The following OXR1 variants were observed in gnomAD, a reference collection of about 807,000 sequenced individuals.
OXR1 encodes the protein oxidation resistance protein 1.
A neutral mutation model predicts 104.6 loss-of-function variants in OXR1; 41 were observed. The ratio of observed to expected loss-of-function variants is 0.39; its 90% confidence interval spans 0.31 to 0.51. The LOEUF (loss-of-function observed/expected upper bound fraction) is 0.51. Ranked by LOEUF, OXR1 falls within the 20% of genes least tolerant of loss-of-function variation. OXR1 has a pLI of 0.77. For missense variants in OXR1, 955 were observed against 1,031.9 expected (o/e 0.93, Z 1.02); for synonymous variants, 348 against 348.4 (o/e 1.00, Z 0.01).
chr8:106,402,225 T>C (rs1818030645), intron 2 of OXR1, among the ~76,000 whole-genome samples: 5 of 152,196 alleles, frequency 3.3e-5, no homozygotes, highest in Admixed American at 3.3e-4. Flanking sequence ...ATGAATTGAA[T>C]AGTAATATGA....
In OXR1 at chr8:106,710,043, C is replaced by T. The variant is rs1831538913; in HGVS notation, c.1625-579C>T. Among the ~76,000 whole-genome samples, 2 of 152,202 alleles carry T rather than the reference C, an allele frequency of 1.3e-5. 1 individual carries two copies. The highest frequency in any genetic ancestry group is 4.8e-5 in the African/African-American group (2 of 41,558). On this transcript the variant is annotated intron_variant, in intron 9 of 16. Coordinates refer to ENST00000517566, the MANE Select transcript of OXR1 (RefSeq NM_001198533.2). ...CTAAATTCACCTATATATTCAGACC[C>T]TCAGTATACTCTATCAGCACCTCTG...
At chr8:106,740,179 AAT>A in intron 13 of OXR1, 162 bp from the exon 14 acceptor site, 1 of 530,908 alleles carries the variant, frequency 1.9e-6, no homozygotes, top group South Asian at 3.0e-5. Flanking sequence ...AGAAATGTGT[AAT>A]ACTTTTCAAT....
At chr8:106,491,966 T>C (rs1449078772) in intron 2 of OXR1, among the ~76,000 whole-genome samples, 1 of 152,222 alleles carries the variant, frequency 6.6e-6, no homozygotes, top group African/African-American at 2.4e-5. Context: ...TATATTTTAT[T>C]GGACACACCA....
intron 1 of OXR1, among the ~76,000 whole-genome samples, chr8:106,355,495 C>T (rs1051524824): frequency 2.6e-5 from 4 of 151,792 alleles, no homozygotes; most frequent in Non-Finnish European, 5.9e-5. Flanking sequence ...TAATTTTTTT[C>T]AACTCAGTAA....
intron 3 of OXR1, among the ~76,000 whole-genome samples, chr8:106,529,473 T>C (rs991145074): frequency 6.6e-6 from 1 of 152,204 alleles, no homozygotes; most frequent in Non-Finnish European, 1.5e-5. Flanking sequence ...TAATTTTAAC[T>C]AAAATTTACC....
chr8:106,416,085 G>A (rs1818666486), intron 2 of OXR1, among the ~76,000 whole-genome samples: 1 of 152,116 alleles, frequency 6.6e-6, no homozygotes, highest in Non-Finnish European at 1.5e-5. Flanking sequence ...TGTTATTGGT[G>A]TAGGTAAACT....
Position 106,585,618 on chromosome 8 carries a change from T to C in OXR1, c.220+66479T>C, listed in dbSNP as rs183109477. Among the ~76,000 whole-genome samples the C allele has an allele frequency of 7.2e-5, 11 of 152,176 alleles. No homozygotes were observed. In the East Asian group the frequency reaches 1.5e-3, roughly 21 times the overall value. ...ACATGAATGTAGGGCATGAGTAAAT[T>C]GTAGAGTAAGTTAGGTAACAGATGC... is the stretch of plus-strand genomic sequence containing the variant. On this transcript the variant is annotated intron_variant, in intron 3 of 16. Coordinates refer to ENST00000517566, the MANE Select transcript of OXR1 (RefSeq NM_001198533.2).
chr8:106,487,357 T>A (rs1810744794), intron 2 of OXR1, among the ~76,000 whole-genome samples: 1 of 146,954 alleles, frequency 6.8e-6, no homozygotes, highest in Non-Finnish European at 1.5e-5. Context: ...TTTTTTTTTA[T>A]GCTGTTTATT....
At chr8:106,451,513 C>T (rs184749677) in intron 2 of OXR1, among the ~76,000 whole-genome samples, 10 of 152,122 alleles carry the variant, frequency 6.6e-5, no homozygotes, top group Non-Finnish European at 1.2e-4. Context: ...GAAGCCAGTT[C>T]AGTTTCAATT....
chr8:106,423,055 C>G (rs1004741182), intron 2 of OXR1, among the ~76,000 whole-genome samples: 18 of 152,114 alleles, frequency 1.2e-4, no homozygotes, highest in South Asian at 2.1e-4. Flanking sequence ...GCCCACTGGA[C>G]CACAGCCTTG....
chr8:106,463,915 C>A (rs1237047320), intron 2 of OXR1, among the ~76,000 whole-genome samples: 1 of 152,012 alleles, frequency 6.6e-6, no homozygotes, highest in Non-Finnish European at 1.5e-5. Context: ...AGCACAGAGT[C>A]AATTATTGCT....
Position 106,674,548 on chromosome 8 carries a change from T to A in OXR1, c.221-4662T>A, listed in dbSNP as rs984539870. Among the ~76,000 whole-genome samples, 61 of 152,154 alleles carry A rather than the reference T, an allele frequency of 4.0e-4. 1 individual carries two copies. Among genetic ancestry groups the A allele is most frequent in the Admixed American group, 2.9e-3 (45 of 15,288 alleles). On this transcript the variant is annotated intron_variant, in intron 3 of 16. Transcript: ENST00000517566. ...GGAGTGAATTAAGACTTTGGGAGAC[T>A]GTTGGGAAGGCATGATTGGCTTTGA... is the stretch of plus-strand genomic sequence containing the variant.
chr8:106,593,182 T>C (rs979232371), intron 3 of OXR1, among the ~76,000 whole-genome samples: 6 of 152,198 alleles, frequency 3.9e-5, no homozygotes, highest in African/African-American at 1.2e-4. Context: ...CCTCACGGAC[T>C]GTTAGATCCC....
intron 11 of OXR1, chr8:106,726,343 A>G (rs891776332): frequency 4.6e-6 from 5 of 1,089,132 alleles, no homozygotes; most frequent in African/African-American, 1.6e-5. Flanking sequence ...ATTTGTATAT[A>G]TACTAGTCTT....
intron 1 of OXR1, among the ~76,000 whole-genome samples, chr8:106,297,718 C>T (rs771461252): frequency 2.6e-5 from 4 of 152,148 alleles, no homozygotes; most frequent in Non-Finnish European, 5.9e-5. Context: ...GGGACACTAT[C>T]CTAGCTGTTT....
intron 2 of OXR1, among the ~76,000 whole-genome samples, chr8:106,457,660 T>TA (rs58812115): frequency 0.51 from 77,298 of 152,038 alleles, 22,314 homozygotes; most frequent in African/African-American, 0.78. Context: ...TAGGGAAACC[T>TA]AAATCTTCTT....
intron 2 of OXR1, among the ~76,000 whole-genome samples, chr8:106,421,184 C>T (rs1002807141): frequency 2.6e-5 from 4 of 152,086 alleles, no homozygotes; most frequent in Admixed American, 1.3e-4. Context: ...GGATTTGTGT[C>T]CCCCGGCCCC....
At chr8:106,394,082 A>G (rs1050551161) in intron 2 of OXR1, among the ~76,000 whole-genome samples, 5 of 152,066 alleles carry the variant, frequency 3.3e-5, no homozygotes, top group African/African-American at 1.2e-4. Context: ...TGTTGTACAG[A>G]TATACTATCC....
intron 3 of OXR1, among the ~76,000 whole-genome samples, chr8:106,619,517 A>T (rs1821520575): frequency 6.6e-6 from 1 of 152,218 alleles, no homozygotes; most frequent in African/African-American, 2.4e-5. Context: ...TTTAATTTTA[A>T]TCACAAATTC....
Sources: allele counts gnomAD v4.1 joint callset (sites outside exome capture counted in the v4.1 genomes callset), GRCh38; gene constraint gnomAD v4.1.1; transcripts MANE v1.5; gene names NCBI Gene and HGNC (gene_info 2026-07-23, HGNC 2026-07-21).